The following COL24A1 variants were observed in gnomAD, a reference collection of about 807,000 sequenced individuals.
COL24A1 encodes collagen alpha-1(XXIV) chain.
COL24A1 carries 224 observed loss-of-function variants against 253.9 expected under a neutral mutation model. The ratio of observed to expected loss-of-function variants is 0.88; its 90% confidence interval spans 0.79 to 0.99. The LOEUF is 0.99. COL24A1 is among the 50% of genes least tolerant of loss of function. The pLI is 0.00. For missense variants in COL24A1, 2,131 were observed against 2,068.5 expected, an observed-to-expected ratio of 1.03 and a Z score of -0.59; for synonymous variants, 685 against 673.7, an observed-to-expected ratio of 1.02 and a Z score of -0.26.
chr1:85,925,176 CACAA>C (rs1345589201), intron 24 of COL24A1, among the ~76,000 whole-genome samples: 1 of 152,046 alleles, frequency 6.6e-6, no homozygotes, highest in African/African-American at 2.4e-5. Context: ...TAAAAGAGGA[CACAA>C]ACAAATGGAA....
At chr1:85,957,255 C>T (rs993648538) in intron 24 of COL24A1, among the ~76,000 whole-genome samples, 11 of 151,988 alleles carry the variant, frequency 7.2e-5, no homozygotes, top group Non-Finnish European at 1.3e-4. Flanking sequence ...GGTTTAAAAC[C>T]GAGATGACGG....
chr1:85,782,561 C>T (rs1252188025), intron 51 of COL24A1, among the ~76,000 whole-genome samples: 2 of 152,164 alleles, frequency 1.3e-5, no homozygotes, highest in South Asian at 2.1e-4. Context: ...ATGGATGAAG[C>T]TGGAAACCAT....
intron 2 of COL24A1, among the ~76,000 whole-genome samples, chr1:86,133,619 C>T (rs1343309152): frequency 2.6e-5 from 4 of 152,028 alleles, no homozygotes; most frequent in East Asian, 1.9e-4. Context: ...ATGTGGTTTT[C>T]GTCATTGGCT....
intron 47 of COL24A1, among the ~76,000 whole-genome samples, chr1:85,811,955 C>T (rs1672589933): frequency 6.6e-6 from 1 of 152,138 alleles, no homozygotes; most frequent in African/African-American, 2.4e-5. Context: ...GGTAATCTCC[C>T]ATAAGAGAAA....
intron 53 of COL24A1, among the ~76,000 whole-genome samples, chr1:85,763,796 T>A (rs970025795): frequency 6.6e-5 from 10 of 152,060 alleles, no homozygotes; most frequent in Admixed American, 4.6e-4. Flanking sequence ...TGCCTGGCCG[T>A]CTATGTTAAT....
chr1:86,000,052 T>C (rs1695250809), intron 19 of COL24A1, among the ~76,000 whole-genome samples: 1 of 152,212 alleles, frequency 6.6e-6, no homozygotes, highest in African/African-American at 2.4e-5. Context: ...AAATCCACCA[T>C]GCATTAACCT....
intron 56 of COL24A1, 26 bp from the exon 57 acceptor site, chr1:85,744,860 T>C (rs767730984): frequency 1.9e-6 from 3 of 1,593,494 alleles, no homozygotes; most frequent in South Asian, 1.1e-5. Flanking sequence ...AAGAATTATA[T>C]AAGCAAAAAA....
At chr1:86,059,461 G>T (rs1204691584) in intron 8 of COL24A1, among the ~76,000 whole-genome samples, 2 of 152,010 alleles carry the variant, frequency 1.3e-5, no homozygotes, top group Middle Eastern at 3.2e-3. Flanking sequence ...GGAAGAGCTG[G>T]TATATTTCTT....
At chr1:85,999,809 A>G (rs1024538414) in intron 19 of COL24A1, among the ~76,000 whole-genome samples, 4 of 152,164 alleles carry the variant, frequency 2.6e-5, no homozygotes, top group Non-Finnish European at 4.4e-5. Flanking sequence ...GCAAAGAAAT[A>G]GAACTTTGGT....
intron 10 of COL24A1, among the ~76,000 whole-genome samples, chr1:86,056,350 A>G (rs1293162184): frequency 1.3e-5 from 2 of 152,188 alleles, no homozygotes; most frequent in African/African-American, 4.8e-5. Flanking sequence ...GCCAGCTATA[A>G]CTTTGCCAGA....
chr1:86,064,566 C>T (rs571076359), intron 7 of COL24A1, among the ~76,000 whole-genome samples: 2 of 152,140 alleles, frequency 1.3e-5, no homozygotes, highest in African/African-American at 4.8e-5. Flanking sequence ...ATATAAAGAA[C>T]AAAAGAAATT....
At position 86,125,753 on chromosome 1, in the gene COL24A1, G is replaced by A. The variant is rs770861494; in HGVS notation, c.583C>T (p.Gln195Ter). The part of the protein sequence containing the change: ...YFSTETIPEV[Q>*]TFDSNSVFTL... ...AACACACTATTAGAATCAAAGGTCTGAACTTCTGGAATAGTCTCTGTGCTA... is the reference window on the plus strand; with the variant it reads ...AACACACTATTAGAATCAAAGGTCTAAACTTCTGGAATAGTCTCTGTGCTA... The change falls in exon 3 of 60, where the codon CAG becomes TAG. Residue 195 changes from glutamine to a stop codon, truncating the protein, a stop_gained. Transcript: ENST00000370571. LOFTEE classifies it high-confidence loss of function. 11 of 1,611,444 alleles carry A rather than the reference G, an allele frequency of 6.8e-6. No homozygotes were observed. Among genetic ancestry groups the A allele is most frequent in the Admixed American group, 3.4e-5 (2 of 59,590 alleles).
At chr1:86,089,133 A>AG in intron 7 of COL24A1, 41 bp downstream of exon 7, 1 of 1,527,204 alleles carries the variant, frequency 6.5e-7, no homozygotes, top group Non-Finnish European at 8.8e-7. Context: ...AAAAAAAGAA[A>AG]AAAAGAAGAA....
At chr1:85,878,056 C>T (rs1319342722) in intron 32 of COL24A1, among the ~76,000 whole-genome samples, 1 of 151,980 alleles carries the variant, frequency 6.6e-6, no homozygotes, top group Non-Finnish European at 1.5e-5. Flanking sequence ...GGCTTGATAG[C>T]TCATTTATTT....
intron 47 of COL24A1, among the ~76,000 whole-genome samples, chr1:85,797,466 A>G (rs1462643345): frequency 6.6e-6 from 1 of 152,182 alleles, no homozygotes; most frequent in Non-Finnish European, 1.5e-5. Context: ...AGAGGGAAAA[A>G]TGGAAGAGCT....
chr1:85,850,018 A>G (rs547402991), intron 37 of COL24A1, among the ~76,000 whole-genome samples: 3 of 152,256 alleles, frequency 2.0e-5, no homozygotes, highest in South Asian at 2.1e-4. Context: ...GATCTGTGGG[A>G]AAAAAAGAAG....
chr1:85,761,391 C>A lies in COL24A1; in HGVS notation c.4437+5G>T. 6.2e-7 allele frequency: 1 copy of A among 1,613,922 alleles called. No individual in the cohort carries two copies. The highest frequency in any genetic ancestry group is 8.5e-7 in the Non-Finnish European group (1 of 1,179,910). ...ACAAAACAAAATCAAACCAAGCAAA[C>A]TTACTCTTGGGCCTGGTGCTCCAGG... is the stretch of plus-strand genomic sequence containing the variant. On this transcript the variant is annotated splice_donor_5th_base_variant and intron_variant, in intron 55 of 59. Coordinates refer to ENST00000370571, the MANE Select transcript of COL24A1 (RefSeq NM_152890.7).
chr1:85,795,078 A>G (rs1670672667), intron 47 of COL24A1, among the ~76,000 whole-genome samples: 1 of 152,132 alleles, frequency 6.6e-6, no homozygotes, highest in Non-Finnish European at 1.5e-5. Context: ...AGTGCATTCC[A>G]TTTGTCAGAA....
chr1:86,006,227 T>G (rs1695942690), intron 19 of COL24A1, among the ~76,000 whole-genome samples: 1 of 151,192 alleles, frequency 6.6e-6, no homozygotes, highest in South Asian at 2.1e-4. Flanking sequence ...GAGGACAGAG[T>G]TGGAGGACTG....
Sources: allele counts gnomAD v4.1 joint callset (sites outside exome capture counted in the v4.1 genomes callset), GRCh38; gene constraint gnomAD v4.1.1; transcripts MANE v1.5; gene names NCBI Gene and HGNC (gene_info 2026-07-23, HGNC 2026-07-21).